MIS18A: variants seen among roughly 807,000 people sequenced by gnomAD.
The protein encoded by MIS18A is MIS18 kinetochore protein A, also known as protein Mis18-alpha.
MIS18A carries 14 observed loss-of-function variants against 25.0 expected under a neutral mutation model. That is an observed-to-expected ratio of 0.56 (90% CI 0.37 to 0.88). The LOEUF is 0.88. Among genes scored for constraint, MIS18A ranks in the 40% least tolerant of loss-of-function variants. The pLI is 0.00. For missense variants in MIS18A, 292 were observed against 290.8 expected, an observed-to-expected ratio of 1.00 and a Z score of -0.03; for synonymous variants, 134 against 118.6, an observed-to-expected ratio of 1.13 and a Z score of -0.84.
chr21:32,206,036 G>A, the MIS18A span, among the ~76,000 whole-genome samples: 1 of 152,062 alleles, frequency 6.6e-6, no homozygotes, highest in Non-Finnish European at 1.5e-5. Context: ...TCAGCTCCTG[G>A]GAATCCAGTG....
the MIS18A span, among the ~76,000 whole-genome samples, chr21:32,248,224 T>C: frequency 6.6e-6 from 1 of 152,204 alleles, no homozygotes; most frequent in Admixed American, 6.5e-5. Flanking sequence ...CAAAAGACTT[T>C]AGCCGTGACA....
chr21:32,157,215 C>T, the MIS18A span, among the ~76,000 whole-genome samples: 1 of 117,680 alleles, frequency 8.5e-6, no homozygotes, highest in Non-Finnish European at 1.7e-5. Flanking sequence ...CGCCACCGTA[C>T]CCGGCTAATT....
chr21:32,168,086 T>A, the MIS18A span, among the ~76,000 whole-genome samples: 1 of 152,078 alleles, frequency 6.6e-6, no homozygotes, highest in African/African-American at 2.4e-5. Context: ...GCTTCCCTTA[T>A]ATGAAGAGAT....
chr21:32,158,723 C>T, the MIS18A span, among the ~76,000 whole-genome samples: 1 of 152,154 alleles, frequency 6.6e-6, no homozygotes, highest in Non-Finnish European at 1.5e-5. Flanking sequence ...GATCTGCCTG[C>T]CTTGGCCTCT....
At chr21:32,198,048 G>A in the MIS18A span, among the ~76,000 whole-genome samples, 1 of 152,162 alleles carries the variant, frequency 6.6e-6, no homozygotes, top group African/African-American at 2.4e-5. Context: ...TATAAAAACG[G>A]AGCCTAATTA....
chr21:32,240,027 G>A, the MIS18A span, among the ~76,000 whole-genome samples: 30 of 152,220 alleles, frequency 2.0e-4, no homozygotes, highest in Non-Finnish European at 4.4e-5. Flanking sequence ...CATCCTTAAA[G>A]CAGAATTCCA....
chr21:32,162,092 G>A, the MIS18A span, among the ~76,000 whole-genome samples: 1 of 152,066 alleles, frequency 6.6e-6, no homozygotes. Flanking sequence ...GGGGTATCTG[G>A]AGCATCTTCT....
chr21:32,215,766 G>A, the MIS18A span, among the ~76,000 whole-genome samples: 1 of 152,138 alleles, frequency 6.6e-6, no homozygotes, highest in African/African-American at 2.4e-5. Context: ...TTGTTTCTCT[G>A]GTATGGGATA....
the MIS18A span, among the ~76,000 whole-genome samples, chr21:32,205,088 G>T: frequency 2.9e-5 from 4 of 136,846 alleles, no homozygotes; most frequent in Admixed American, 7.6e-5. Flanking sequence ...ATCCTTATAA[G>T]AACTTGTCCT....
the MIS18A span, among the ~76,000 whole-genome samples, chr21:32,175,003 T>C: frequency 2.0e-5 from 3 of 152,334 alleles, no homozygotes; most frequent in South Asian, 6.2e-4. Flanking sequence ...GACAAATATG[T>C]AGTTGGACAA....
chr21:32,252,901 T>G, the MIS18A span, among the ~76,000 whole-genome samples: 1 of 152,222 alleles, frequency 6.6e-6, no homozygotes, highest in South Asian at 2.1e-4. Flanking sequence ...TGCAGAGATC[T>G]CCCACTTCGG....
At chr21:32,209,590 G>T in the MIS18A span, among the ~76,000 whole-genome samples, 90 of 152,340 alleles carry the variant, frequency 5.9e-4, no homozygotes, top group Middle Eastern at 3.4e-3. Context: ...TTCAGGTAAA[G>T]AAATTGATAT....
the MIS18A span, among the ~76,000 whole-genome samples, chr21:32,257,509 A>G: frequency 6.6e-6 from 1 of 152,318 alleles, no homozygotes; most frequent in East Asian, 1.9e-4. Context: ...TGGGCAGAAT[A>G]TTGTCTATGT....
the MIS18A span, among the ~76,000 whole-genome samples, chr21:32,202,417 G>C: frequency 6.6e-6 from 1 of 152,114 alleles, no homozygotes; most frequent in African/African-American, 2.4e-5. Flanking sequence ...ACAAGCACAA[G>C]ATGCTATGTA....
At chr21:32,232,075 A>G in the MIS18A span, among the ~76,000 whole-genome samples, 1 of 152,200 alleles carries the variant, frequency 6.6e-6, no homozygotes, top group African/African-American at 2.4e-5. Context: ...GAAACAACCT[A>G]AGCATCTGTC....
chr21:32,262,164 C>A, the MIS18A span, among the ~76,000 whole-genome samples: 1 of 152,174 alleles, frequency 6.6e-6, no homozygotes, highest in African/African-American at 2.4e-5. Flanking sequence ...ATGCTTCCTA[C>A]GGAAGAGGGT....
chr21:32,221,097 T>C, the MIS18A span, among the ~76,000 whole-genome samples: 4 of 152,036 alleles, frequency 2.6e-5, no homozygotes, highest in Non-Finnish European at 4.4e-5. Context: ...CCTAGCAAGA[T>C]AGGCCAACAT....
chr21:32,269,812 C>CG lies in MIS18A; in HGVS notation c.525-10dup, dbSNP rs766675655. 2 of 1,523,140 alleles carry CG rather than the reference C, an allele frequency of 1.3e-6. No individual in the cohort carries two copies. Among genetic ancestry groups the CG allele is most frequent in the Non-Finnish European group, 1.8e-6 (2 of 1,097,412 alleles). The allele number at this position is 1,523,140 out of a possible 1,614,324, so 94.4% of individuals were successfully genotyped here. On this transcript the variant is annotated splice_polypyrimidine_tract_variant and intron_variant, in intron 3 of 4. Transcript: ENST00000290130. ...AGGACCCTAAAACATAACTGAAGTA[C>CG]GGTACAAGGTTAAAATACAAGCTGG... is the stretch of plus-strand genomic sequence containing the variant.
At chr21:32,277,316 G>A (rs756518298) in intron 1 of MIS18A, among the ~76,000 whole-genome samples, 2 of 152,058 alleles carry the variant, frequency 1.3e-5, no homozygotes, top group Non-Finnish European at 2.9e-5. Flanking sequence ...GAGCCCACAT[G>A]GCAAAAAATA....
Sources: allele counts gnomAD v4.1 joint callset (sites outside exome capture counted in the v4.1 genomes callset), GRCh38; gene constraint gnomAD v4.1.1; transcripts MANE v1.5; gene names NCBI Gene and HGNC (gene_info 2026-07-23, HGNC 2026-07-21).